The following TRDN variants were observed in gnomAD, a reference collection of about 807,000 sequenced individuals.
The protein encoded by TRDN is triadin, also known as triadin in skeletal muscle.
A neutral mutation model predicts 149.7 loss-of-function variants in TRDN; 161 were observed. The ratio of observed to expected loss-of-function variants is 1.08; its 90% CI spans 0.95 to 1.23. The LOEUF is 1.23. Among genes scored for constraint, TRDN ranks in the 50% most tolerant of loss-of-function variants. The pLI is 0.00. For missense variants in TRDN, 896 were observed against 823.5 expected (o/e 1.09, Z -1.08); for synonymous variants, 294 against 250.5 (o/e 1.17, Z -1.64).
chr6:123,343,892 T>G (rs1780156539), intron 21 of TRDN, among the ~76,000 whole-genome samples: 1 of 152,022 alleles, frequency 6.6e-6, no homozygotes, highest in African/African-American at 2.4e-5. Context: ...CTCCCAATGT[T>G]ATGGTATGGC....
intron 23 of TRDN, among the ~76,000 whole-genome samples, chr6:123,325,269 C>A (rs17679624): frequency 0.051 from 7,823 of 152,134 alleles, 227 homozygotes; most frequent in Admixed American, 0.068. Flanking sequence ...TCACTGTTAA[C>A]ATGACAGTTG....
intron 38 of TRDN, among the ~76,000 whole-genome samples, chr6:123,228,884 G>A (rs1038482950): frequency 6.6e-6 from 1 of 151,830 alleles, no homozygotes; most frequent in Admixed American, 6.6e-5. Flanking sequence ...GAGAGGGGGT[G>A]CTAAATGTGT....
chr6:123,407,818 C>T (rs1477149916), intron 12 of TRDN, among the ~76,000 whole-genome samples: 2 of 152,060 alleles, frequency 1.3e-5, no homozygotes, highest in African/African-American at 4.8e-5. Context: ...TTTATAATTG[C>T]TTGATTCAAA....
chr6:123,440,350 T>C (rs2114601271), intron 10 of TRDN, among the ~76,000 whole-genome samples: 2 of 152,286 alleles, frequency 1.3e-5, no homozygotes, highest in South Asian at 4.1e-4. Flanking sequence ...GAGATAGAAA[T>C]AAACCAATTG....
intron 19 of TRDN, among the ~76,000 whole-genome samples, chr6:123,372,105 T>C (rs964676872): frequency 3.9e-5 from 6 of 152,102 alleles, no homozygotes; most frequent in African/African-American, 1.4e-4. Flanking sequence ...TCAAGCATGC[T>C]GGTTCAGGCC....
chr6:123,258,174 G>A (rs1776630649), intron 35 of TRDN, among the ~76,000 whole-genome samples: 2 of 152,072 alleles, frequency 1.3e-5, no homozygotes, highest in African/African-American at 4.8e-5. Context: ...ATACTATGTT[G>A]AATAGGAGTG....
intron 23 of TRDN, among the ~76,000 whole-genome samples, chr6:123,326,781 C>A (rs1195315402): frequency 1.3e-5 from 2 of 151,988 alleles, no homozygotes; most frequent in East Asian, 3.9e-4. Context: ...GTCATTTGCT[C>A]AATTAGCTAT....
chr6:123,314,196 A>G lies in TRDN; in HGVS notation c.1510+2261T>C, dbSNP rs535330036. 2.0e-5 allele frequency among the ~76,000 whole-genome samples: 3 copies of G among 152,196 alleles called. No homozygotes were observed. The South Asian group carries it at 6.2e-4, about 32-fold the overall frequency. On this transcript the variant is annotated intron_variant, in intron 24 of 40. Transcript: ENST00000334268. Reference sequence around the variant, plus strand: ...ATTAAAAAGTGGGCAAAATACATGAACAGACACTTTTCAATACAAGACATA... The same window carrying G: ...ATTAAAAAGTGGGCAAAATACATGAGCAGACACTTTTCAATACAAGACATA...
At chr6:123,553,652 C>T (rs146980664) in intron 2 of TRDN, among the ~76,000 whole-genome samples, 1 of 152,234 alleles carries the variant, frequency 6.6e-6, no homozygotes, top group East Asian at 1.9e-4. Flanking sequence ...GCTGAAGAAG[C>T]CTCACAATCA....
intron 24 of TRDN, 22 bp from the exon 25 acceptor site, chr6:123,279,104 A>G (rs762925097): frequency 6.3e-7 from 1 of 1,595,056 alleles, no homozygotes. Flanking sequence ...TAAAAAAATT[A>G]TTAAAGGCTG....
At chr6:123,251,916 T>A (rs1776388223) in intron 38 of TRDN, among the ~76,000 whole-genome samples, 1 of 151,988 alleles carries the variant, frequency 6.6e-6, no homozygotes, top group African/African-American at 2.4e-5. Context: ...GTTTCTTAGA[T>A]ATACAATTAT....
chr6:123,262,293 A>G lies in TRDN; in HGVS notation c.1805-1655T>C, dbSNP rs551859711. Among the ~76,000 whole-genome samples, 6 of 152,162 alleles carry G rather than the reference A, an allele frequency of 3.9e-5. No homozygotes were observed. In the East Asian group the frequency reaches 1.2e-3, roughly 29 times the overall value. On this transcript the variant is annotated intron_variant, in intron 33 of 40. Transcript: ENST00000334268. ...ACACAATAACTGTTAGAAGATCTCC[A>G]TACTGTGTTTATTCAATACATCTAA... is the stretch of plus-strand genomic sequence containing the variant.
chr6:123,351,527 A>G, intron 21 of TRDN: 1 of 982,090 alleles, frequency 1.0e-6, no homozygotes, highest in Non-Finnish European at 1.2e-6. Context: ...ATTGGAAAAC[A>G]TTTTCCATGC....
chr6:123,511,392 C>T (rs1383269079), intron 7 of TRDN, among the ~76,000 whole-genome samples: 1 of 151,940 alleles, frequency 6.6e-6, no homozygotes, highest in Non-Finnish European at 1.5e-5. Context: ...TCCCAATTAC[C>T]CTGATTTGAT....
intron 12 of TRDN, among the ~76,000 whole-genome samples, chr6:123,437,079 TAGAAA>T (rs1438454296): frequency 1.5e-4 from 23 of 152,060 alleles, no homozygotes; most frequent in African/African-American, 5.6e-4. Flanking sequence ...TGAACAAGAA[TAGAAA>T]CAGAACAAAA....
chr6:123,239,981 C>T (rs1336155833), intron 38 of TRDN, among the ~76,000 whole-genome samples: 1 of 151,838 alleles, frequency 6.6e-6, no homozygotes, highest in Non-Finnish European at 1.5e-5. Context: ...CTCAAAAATA[C>T]TGATAAATCT....
At chr6:123,538,836 A>G (rs1780680595) in intron 4 of TRDN, among the ~76,000 whole-genome samples, 1 of 152,154 alleles carries the variant, frequency 6.6e-6, no homozygotes, top group South Asian at 2.1e-4. Context: ...TCTCAGGTTA[A>G]TTCATTTTTT....
intron 2 of TRDN, among the ~76,000 whole-genome samples, chr6:123,562,594 A>G (rs1016472760): frequency 1.3e-5 from 2 of 152,230 alleles, no homozygotes; most frequent in African/African-American, 4.8e-5. Context: ...GTCTGTTTAT[A>G]AGCTATCCAG....
At chr6:123,391,611 A>G (rs760846199) in intron 13 of TRDN, among the ~76,000 whole-genome samples, 10 of 152,178 alleles carry the variant, frequency 6.6e-5, no homozygotes, top group Non-Finnish European at 1.5e-4. Context: ...CTTTGTTAAA[A>G]TAATTTCCTT....
Sources: allele counts gnomAD v4.1 joint callset (sites outside exome capture counted in the v4.1 genomes callset), GRCh38; gene constraint gnomAD v4.1.1; transcripts MANE v1.5; gene names NCBI Gene and HGNC (gene_info 2026-07-23, HGNC 2026-07-21).